The following CYB5B variants were observed in gnomAD, a reference collection of about 807,000 sequenced individuals.
CYB5B encodes the protein cytochrome b5 type B, also known as cytochrome b5 type B (outer mitochondrial membrane).
A neutral mutation model predicts 21.3 loss-of-function variants in CYB5B; 14 were observed. The observed-to-expected ratio is 0.66, with a 90% confidence interval of 0.43 to 1.03. CYB5B has a LOEUF of 1.03. Among genes scored for constraint, CYB5B ranks in the 50% least tolerant of loss-of-function variants. The pLI is 0.00. For missense variants in CYB5B, 166 were observed against 185.1 expected (o/e 0.90, Z 0.60); for synonymous variants, 69 against 68.4 (o/e 1.01, Z -0.04).
chr16:69,432,632 T>A (rs1252805901), intron 1 of CYB5B, among the ~76,000 whole-genome samples: 1 of 152,222 alleles, frequency 6.6e-6, no homozygotes, highest in South Asian at 2.1e-4. Context: ...ATAGTATTTA[T>A]TGAGTGCTTA....
intron 3 of CYB5B, 142 bp downstream of exon 3, chr16:69,448,286 G>A: frequency 2.2e-6 from 2 of 918,114 alleles, no homozygotes. Flanking sequence ...CTGGAATTTG[G>A]ACTCAGTATC....
chr16:69,450,203 C>A (rs2142822122), intron 3 of CYB5B: 1 of 119,298 alleles, frequency 8.4e-6, no homozygotes, highest in Non-Finnish European at 1.6e-5. Context: ...CTGGGTAACA[C>A]AGCATGACCC....
intron 1 of CYB5B, 146 bp downstream of exon 1, chr16:69,425,003 G>T (rs536900057): frequency 2.2e-5 from 18 of 828,274 alleles, no homozygotes; most frequent in Non-Finnish European, 3.1e-5. Context: ...GGAAACTGGG[G>T]TGGGATTGGG....
At chr16:69,432,509 G>A (rs938271951) in intron 1 of CYB5B, among the ~76,000 whole-genome samples, 5 of 152,058 alleles carry the variant, frequency 3.3e-5, no homozygotes, top group African/African-American at 9.7e-5. Flanking sequence ...TACATCTTCC[G>A]TGCATATACT....
Position 69,462,542 on chromosome 16 carries a change from A to T in CYB5B, c.*22A>T. On this transcript the variant is annotated 3_prime_UTR_variant, in exon 5 of 5. Coordinates refer to ENST00000307892, the MANE Select transcript of CYB5B (RefSeq NM_030579.3). ...CTGAGGAGGCCTTGCTGAAGTTAGA[A>T]AGTGCATCCACTTTGGGGCGAAAAC... is the stretch of plus-strand genomic sequence containing the variant. 1 of 1,601,978 alleles carries T rather than the reference A, an allele frequency of 6.2e-7. No individual in the cohort carries two copies. Among genetic ancestry groups the T allele is most frequent in the Middle Eastern group, 1.7e-4 (1 of 6,032 alleles).
intron 2 of CYB5B, among the ~76,000 whole-genome samples, chr16:69,447,503 T>C (rs927131613): frequency 6.6e-6 from 1 of 151,914 alleles, no homozygotes; most frequent in Non-Finnish European, 1.5e-5. Context: ...ATTAGCTGGG[T>C]GTGGTGGCGC....
At position 69,448,267 on chromosome 16, in the gene CYB5B, C is replaced by T. The variant is rs1402068657; in HGVS notation, c.333+123C>T. 6.7e-6 allele frequency: 8 copies of T among 1,194,368 alleles called. No individual in the cohort carries two copies. In the Admixed American group the frequency reaches 8.9e-5, roughly 13 times the overall value. 74.0% of individuals were successfully genotyped at this position (1,194,368 alleles called of 1,614,324 possible). A position where few individuals can be genotyped will look rare whatever the true frequency, so the allele number is the denominator to read the frequency against. ...ATTTACTTTTTCCCCAAGCAAAAAT[C>T]CTATTTTTCTGGAATTTGGACTCAG... is the stretch of plus-strand genomic sequence containing the variant. On this transcript the variant is annotated intron_variant, in intron 3 of 4. Coordinates refer to ENST00000307892, the MANE Select transcript of CYB5B (RefSeq NM_030579.3).
At position 69,424,682 on chromosome 16, in the gene CYB5B, G is replaced by A; in HGVS notation, c.-2G>A. ...AATCTCAGTTAGCGGTGGAGAGGCAGTATGTCCGGTTCAATGGCGACTGCG... is the reference window on the plus strand; with the variant it reads ...AATCTCAGTTAGCGGTGGAGAGGCAATATGTCCGGTTCAATGGCGACTGCG... On this transcript the variant is annotated 5_prime_UTR_variant, in exon 1 of 5. Transcript: ENST00000307892. The A allele has an allele frequency of 6.4e-7, 1 of 1,562,490 alleles. No individual in the cohort carries two copies.
At chr16:69,429,063 C>A (rs552580532) in intron 1 of CYB5B, among the ~76,000 whole-genome samples, 1 of 152,106 alleles carries the variant, frequency 6.6e-6, no homozygotes, top group South Asian at 2.1e-4. Flanking sequence ...GACTTAATGG[C>A]GTAATAGGAT....
chr16:69,456,612 C>T (rs569832876), intron 3 of CYB5B, among the ~76,000 whole-genome samples: 1 of 152,234 alleles, frequency 6.6e-6, no homozygotes, highest in East Asian at 1.9e-4. Flanking sequence ...ACTTTCCAGG[C>T]CAAAGATTGA....
intron 1 of CYB5B, among the ~76,000 whole-genome samples, chr16:69,439,572 T>A (rs2014798556): frequency 6.6e-6 from 1 of 152,032 alleles, no homozygotes; most frequent in South Asian, 2.1e-4. Flanking sequence ...GCATGAAATC[T>A]ACCATCTTTT....
In CYB5B at chr16:69,465,724, T is replaced by C. The variant is rs958892344; in HGVS notation, c.*3204T>C. The C allele has an allele frequency of 6.6e-6, 1 of 152,210 alleles. No homozygotes were observed. Among genetic ancestry groups the C allele is most frequent in the Non-Finnish European group, 1.5e-5 (1 of 68,036 alleles). 9.4% of individuals were successfully genotyped at this position (152,210 alleles called of 1,614,324 possible). A position where few individuals can be genotyped will look rare whatever the true frequency, so the allele number is the denominator to read the frequency against. On this transcript the variant is annotated 3_prime_UTR_variant, in exon 5 of 5. Coordinates refer to ENST00000307892, the MANE Select transcript of CYB5B (RefSeq NM_030579.3). The stretch of plus-strand genomic sequence containing the variant: ...TCTGGTTAAATTCCATTTTAGGAGA[T>C]TGAGATGCAGAACGTTAATGTTCAT...
chr16:69,452,997 CAAA>C (rs71385608), intron 3 of CYB5B, among the ~76,000 whole-genome samples: 2 of 133,298 alleles, frequency 1.5e-5, no homozygotes. Flanking sequence ...GACTCTGTCT[CAAA>C]AAAAAAAAAA....
At chr16:69,436,094 C>T (rs1249810388) in intron 1 of CYB5B, among the ~76,000 whole-genome samples, 1 of 152,176 alleles carries the variant, frequency 6.6e-6, no homozygotes, top group African/African-American at 2.4e-5. Context: ...TTTATTTATT[C>T]ATTTTGCCCG....
At chr16:69,459,324 G>A (rs2015011588) in intron 4 of CYB5B, 2 of 592,152 alleles carry the variant, frequency 3.4e-6, no homozygotes, top group Non-Finnish European at 5.5e-6. Flanking sequence ...TAATCTAAAA[G>A]TTTCATGCCT....
rs80200848 is a variant in CYB5B at position 69,458,576 on chromosome 16, C to G, written c.334-517C>G. ...TTCATTGTGAAATCAATTCTAAGGT[C>G]TCCTGTCATAATTATTATGATTTCA... On this transcript the variant is annotated intron_variant, in intron 3 of 4. Coordinates refer to ENST00000307892, the MANE Select transcript of CYB5B (RefSeq NM_030579.3). 8.4e-4 allele frequency among the ~76,000 whole-genome samples: 128 copies of G among 152,206 alleles called. 2 individuals carry two copies. The East Asian group carries it at 0.024, about 28-fold the overall frequency.
At chr16:69,448,465 G>A (rs2014900080) in intron 3 of CYB5B, 1 of 282,440 alleles carries the variant, frequency 3.5e-6, no homozygotes, top group Non-Finnish European at 6.6e-6. Flanking sequence ...TTTACATTAT[G>A]TAGGACAAGT....
intron 1 of CYB5B, chr16:69,444,265 C>T (rs9929461): frequency 0.17 from 26,416 of 152,566 alleles, 2,408 homozygotes; most frequent in Middle Eastern, 0.25. Context: ...CAGTGGCTGA[C>T]GCTGGAGTTG....
chr16:69,432,138 C>T (rs1354687377), intron 1 of CYB5B, among the ~76,000 whole-genome samples: 2 of 152,136 alleles, frequency 1.3e-5, no homozygotes, highest in Non-Finnish European at 1.5e-5. Flanking sequence ...GGACCCAGGA[C>T]ATGCAAGGTC....
Sources: gnomAD v4.1 joint callset for allele counts (sites outside exome capture counted in the v4.1 genomes callset) on GRCh38, gnomAD v4.1.1 for gene constraint, MANE v1.5 for transcripts, NCBI Gene and HGNC (gene_info 2026-07-23, HGNC 2026-07-21) for gene names.